Variants in CDH18 observed in about 807,000 individuals in gnomAD.
CDH18 encodes cadherin 18.
In CDH18, 31 loss-of-function variants were observed where a neutral mutation model predicts 67.9. That is an observed-to-expected ratio of 0.46 (90% CI 0.34 to 0.62). CDH18 has a LOEUF of 0.62. Among genes scored for constraint, CDH18 ranks in the 20% least tolerant of loss-of-function variants. The pLI is 0.01. For missense variants in CDH18, 890 were observed against 975.5 expected, an observed-to-expected ratio of 0.91 and a Z score of 1.17; for synonymous variants, 362 against 347.2, an observed-to-expected ratio of 1.04 and a Z score of -0.48.
At chr5:20,120,301 G>C (rs1748253744) in intron 2 of CDH18, among the ~76,000 whole-genome samples, 1 of 152,098 alleles carries the variant, frequency 6.6e-6, no homozygotes, top group Non-Finnish European at 1.5e-5. Flanking sequence ...AGAATAGTGA[G>C]AGCTAAAATG....
chr5:20,056,678 CTCTTTTTTTTTT>C (rs1742002291), intron 2 of CDH18, among the ~76,000 whole-genome samples: 1 of 94,482 alleles, frequency 1.1e-5, no homozygotes, highest in African/African-American at 3.8e-5. Context: ...GTTCTATATT[CTCTTTTTTTTTT>C]TTTTTTTTTT....
In CDH18 at chr5:19,529,853, T is replaced by C. The variant is rs193020078; in HGVS notation, c.1391-9075A>G. Among the ~76,000 whole-genome samples the C allele has an allele frequency of 1.2e-4, 18 of 152,280 alleles. No homozygotes were observed. In the East Asian group the frequency reaches 2.5e-3, roughly 21 times the overall value. On this transcript the variant is annotated intron_variant, in intron 9 of 12. Coordinates refer to ENST00000382275, the MANE Select transcript of CDH18 (RefSeq NM_004934.5). ...TGGATAAAATGCTCAATGTTGTTCA[T>C]TGAGGTGTCCATGCTCCCAAATTGA...
chr5:20,054,093 T>C (rs1259778553), intron 2 of CDH18, among the ~76,000 whole-genome samples: 1 of 152,200 alleles, frequency 6.6e-6, no homozygotes, highest in Non-Finnish European at 1.5e-5. Flanking sequence ...TCTAGAGAAT[T>C]GTAATTAGAA....
At chr5:19,937,429 A>G (rs1794391934) in intron 2 of CDH18, among the ~76,000 whole-genome samples, 1 of 151,464 alleles carries the variant, frequency 6.6e-6, no homozygotes, top group African/African-American at 2.4e-5. Context: ...GAACAGGATT[A>G]AACTGAATAC....
chr5:19,704,702 G>T (rs1240516143), intron 5 of CDH18, among the ~76,000 whole-genome samples: 1 of 152,262 alleles, frequency 6.6e-6, no homozygotes, highest in African/African-American at 2.4e-5. Flanking sequence ...TAAGTAAAGA[G>T]AAACTGGAGG....
At chr5:20,394,114 CA>C (rs1745094233) in intron 1 of CDH18, among the ~76,000 whole-genome samples, 1 of 151,648 alleles carries the variant, frequency 6.6e-6, no homozygotes, top group African/African-American at 2.4e-5. Flanking sequence ...CAATCCCAAG[CA>C]AAAAAAGTAC....
intron 1 of CDH18, among the ~76,000 whole-genome samples, chr5:20,285,966 A>C (rs2940445): frequency 1.3e-3 from 192 of 151,796 alleles, no homozygotes; most frequent in African/African-American, 4.6e-3. Context: ...CTGTGATACT[A>C]TCAGTGTTTT....
At chr5:19,535,917 C>T (rs959164739) in intron 9 of CDH18, among the ~76,000 whole-genome samples, 28 of 151,976 alleles carry the variant, frequency 1.8e-4, no homozygotes, top group African/African-American at 6.8e-4. Flanking sequence ...GGTGAACTGA[C>T]CAGGTCAAAG....
intron 5 of CDH18, among the ~76,000 whole-genome samples, chr5:19,655,798 G>A (rs967041381): frequency 2.8e-4 from 43 of 151,918 alleles, no homozygotes; most frequent in African/African-American, 9.9e-4. Context: ...GGTGTCTCTG[G>A]AAGCAAAATC....
At chr5:20,284,718 T>C (rs1454469149) in intron 1 of CDH18, among the ~76,000 whole-genome samples, 2 of 151,976 alleles carry the variant, frequency 1.3e-5, no homozygotes, top group Non-Finnish European at 2.9e-5. Context: ...GCAAGGGAAT[T>C]CTTTTTTTAA....
chr5:19,664,700 C>T (rs1757666729), intron 5 of CDH18, among the ~76,000 whole-genome samples: 1 of 151,970 alleles, frequency 6.6e-6, no homozygotes, highest in South Asian at 2.1e-4. Flanking sequence ...AATAAGCTAA[C>T]ATTTATTCAA....
chr5:19,606,525 G>A (rs1748069766), intron 6 of CDH18, among the ~76,000 whole-genome samples: 1 of 151,952 alleles, frequency 6.6e-6, no homozygotes. Flanking sequence ...CAATGCTGAA[G>A]TGTGTACTTA....
At chr5:19,908,381 C>T (rs1790758559) in intron 2 of CDH18, among the ~76,000 whole-genome samples, 1 of 151,918 alleles carries the variant, frequency 6.6e-6, no homozygotes, top group African/African-American at 2.4e-5. Flanking sequence ...CTCCCATAAT[C>T]TTAAATTAAA....
intron 1 of CDH18, among the ~76,000 whole-genome samples, chr5:20,257,706 G>A (rs558590559): frequency 3.2e-4 from 48 of 152,168 alleles, no homozygotes; most frequent in Non-Finnish European, 5.3e-4. Context: ...ATTTAAATGC[G>A]ATGAAACAAT....
intron 2 of CDH18, among the ~76,000 whole-genome samples, chr5:20,198,670 C>G (rs567582600): frequency 1.3e-5 from 2 of 152,242 alleles, no homozygotes; most frequent in African/African-American, 4.8e-5. Context: ...GGCTAATCAC[C>G]AAGACTATGG....
At chr5:19,585,452 G>A (rs2683647) in intron 7 of CDH18, among the ~76,000 whole-genome samples, 5,804 of 152,220 alleles carry the variant, frequency 0.038, 322 homozygotes, top group African/African-American at 0.12. Flanking sequence ...CTTACCCGCA[G>A]TCATTTGCTT....
intron 3 of CDH18, among the ~76,000 whole-genome samples, chr5:19,815,760 C>A (rs921892014): frequency 2.6e-5 from 4 of 151,912 alleles, no homozygotes; most frequent in Non-Finnish European, 5.9e-5. Context: ...TTTTGAGCAT[C>A]GCTCCTTTCT....
intron 4 of CDH18, among the ~76,000 whole-genome samples, chr5:19,735,575 T>G (rs1768201519): frequency 6.6e-6 from 1 of 152,020 alleles, no homozygotes; most frequent in Non-Finnish European, 1.5e-5. Context: ...GTTTGTATTT[T>G]TAGTAGAGAT....
intron 2 of CDH18, among the ~76,000 whole-genome samples, chr5:20,131,544 T>C (rs1290359293): frequency 6.6e-6 from 1 of 152,082 alleles, no homozygotes; most frequent in Non-Finnish European, 1.5e-5. Context: ...TAATAGCAAT[T>C]TGAAGTTCCT....
Sources: gnomAD v4.1 joint callset for allele counts (sites outside exome capture counted in the v4.1 genomes callset) on GRCh38, gnomAD v4.1.1 for gene constraint, MANE v1.5 for transcripts, NCBI Gene and HGNC (gene_info 2026-07-23, HGNC 2026-07-21) for gene names.